The following KHDRBS2 variants were observed in gnomAD, a reference collection of about 807,000 sequenced individuals.
KHDRBS2 encodes KH RNA binding domain containing, signal transduction associated 2.
A neutral mutation model predicts 44.3 loss-of-function variants in KHDRBS2; 26 were observed. That is an observed-to-expected ratio of 0.59 (90% CI 0.43 to 0.81). The LOEUF (loss-of-function observed/expected upper bound fraction) is 0.81, where lower values mean the gene tolerates loss of function less well. Among genes scored for constraint, KHDRBS2 ranks in the 40% least tolerant of loss-of-function variants. The pLI, the probability that KHDRBS2 is intolerant of heterozygous loss-of-function variation, is 0.00. For missense variants in KHDRBS2, 476 were observed against 433.1 expected (o/e 1.10, Z -0.88); for synonymous variants, 194 against 151.1 (o/e 1.28, Z -2.08).
Position 61,886,323 on chromosome 6 carries a change from C to T in KHDRBS2, c.810+8312G>A, listed in dbSNP as rs566705586. On this transcript the variant is annotated intron_variant, in intron 6 of 8. Transcript: ENST00000281156. The stretch of plus-strand genomic sequence containing the variant: ...TGTTCTTCCAGATTCTTTAGACTTG[C>T]TTTGAAAGTTTCCTTTTCTTGTCTT... Among the ~76,000 whole-genome samples, 16 of 152,240 alleles carry T rather than the reference C, an allele frequency of 1.1e-4. 1 individual carries two copies. In the South Asian group the frequency reaches 2.5e-3, roughly 24 times the overall value.
the KHDRBS2 span, among the ~76,000 whole-genome samples, chr6:61,548,984 A>AG: frequency 1.3e-5 from 2 of 152,128 alleles, no homozygotes; most frequent in Non-Finnish European, 2.9e-5. Context: ...GTCTTAAAAA[A>AG]AAGTCCCCCA....
At chr6:62,064,287 G>C (rs1006397641) in intron 2 of KHDRBS2, among the ~76,000 whole-genome samples, 64 of 149,826 alleles carry the variant, frequency 4.3e-4, no homozygotes, top group African/African-American at 1.4e-3. Context: ...CTACTTTAAA[G>C]TTCATATGGA....
chr6:62,286,104 C>T lies in KHDRBS2; in HGVS notation c.-156G>A. 1 of 584,018 alleles carries T rather than the reference C, an allele frequency of 1.7e-6. No homozygotes were observed. Among genetic ancestry groups the T allele is most frequent in the African/African-American group, 2.0e-5 (1 of 50,702 alleles). 36.2% of individuals were successfully genotyped at this position (584,018 alleles called of 1,614,324 possible). A position where few individuals can be genotyped will look rare whatever the true frequency, so the allele number is the denominator to read the frequency against. On this transcript the variant is annotated 5_prime_UTR_variant, in exon 1 of 9. Coordinates refer to ENST00000281156, the MANE Select transcript of KHDRBS2 (RefSeq NM_152688.4). ...CACTGGCCCATGCACCCAGCACCTG[C>T]GACTCCCGCCGTCGGGCTGCGTGGC...
the KHDRBS2 span, among the ~76,000 whole-genome samples, chr6:61,664,523 A>G: frequency 1.3e-5 from 2 of 151,764 alleles, no homozygotes; most frequent in African/African-American, 4.8e-5. Flanking sequence ...TGGTATTTGC[A>G]AATCCTGATG....
intron 2 of KHDRBS2, among the ~76,000 whole-genome samples, chr6:62,170,053 G>A (rs747177954): frequency 2.6e-5 from 4 of 151,784 alleles, no homozygotes; most frequent in Non-Finnish European, 5.9e-5. Flanking sequence ...AGCAATGTGC[G>A]CCACGCCTGC....
chr6:61,641,844 T>C, the KHDRBS2 span, among the ~76,000 whole-genome samples: 1 of 152,216 alleles, frequency 6.6e-6, no homozygotes, highest in Non-Finnish European at 1.5e-5. Context: ...TTTCACAAAT[T>C]GAAACATCAT....
At chr6:62,078,510 C>A (rs1584555717) in intron 2 of KHDRBS2, among the ~76,000 whole-genome samples, 1 of 151,534 alleles carries the variant, frequency 6.6e-6, no homozygotes, top group East Asian at 2.0e-4. Context: ...ACTATTTTCC[C>A]CAAAACAAAG....
chr6:61,759,840 G>A (rs7750529), intron 6 of KHDRBS2, among the ~76,000 whole-genome samples: 62,997 of 152,034 alleles, frequency 0.41, 13,399 homozygotes, highest in Middle Eastern at 0.51. Context: ...GAGCCAGAAT[G>A]TGTGAAAAGG....
rs192673702 is a variant in KHDRBS2 at position 61,993,714 on chromosome 6, C to T, written c.337-15502G>A. 6.1e-4 allele frequency among the ~76,000 whole-genome samples: 70 copies of T among 114,802 alleles called. 1 individual carries two copies. Among genetic ancestry groups the T allele is most frequent in the African/African-American group, 1.9e-3 (67 of 34,978 alleles). 75.3% of individuals were successfully genotyped at this position (114,802 alleles called of 152,430 possible). On this transcript the variant is annotated intron_variant, in intron 3 of 8. Transcript: ENST00000281156. Reference sequence around the variant, plus strand: ...GTGAGCTTATATATTTAGCTGCTTGCTCCTGGTGCTAACATTGCTATAGCT... The same window carrying T: ...GTGAGCTTATATATTTAGCTGCTTGTTCCTGGTGCTAACATTGCTATAGCT...
At position 62,099,081 on chromosome 6, in the gene KHDRBS2, C is replaced by A. The variant is rs1016670131; in HGVS notation, c.220-51087G>T. On this transcript the variant is annotated intron_variant, in intron 2 of 8. Transcript: ENST00000281156. ...TTAAGGTTCATTGAGTTTCCTTGAA[C>A]AGCTATTTTAAATTATCCGTTTCTA... Among the ~76,000 whole-genome samples the A allele has an allele frequency of 5.3e-5, 8 of 152,218 alleles. No individual in the cohort carries two copies. The East Asian group carries it at 1.4e-3, about 26-fold the overall frequency.
chr6:61,581,443 T>C, the KHDRBS2 span, among the ~76,000 whole-genome samples: 1 of 151,174 alleles, frequency 6.6e-6, no homozygotes, highest in Non-Finnish European at 1.5e-5. Context: ...GCAAAATTAA[T>C]GTCAAATTTG....
chr6:61,613,912 T>A, the KHDRBS2 span, among the ~76,000 whole-genome samples: 1 of 152,202 alleles, frequency 6.6e-6, no homozygotes, highest in African/African-American at 2.4e-5. Context: ...TGACCGTCTC[T>A]CTGTTTCCTA....
chr6:62,256,812 C>G (rs756266242), intron 1 of KHDRBS2, among the ~76,000 whole-genome samples: 1 of 152,054 alleles, frequency 6.6e-6, no homozygotes, highest in Non-Finnish European at 1.5e-5. Context: ...AATATGGGAA[C>G]AGAAACTCTT....
intron 2 of KHDRBS2, among the ~76,000 whole-genome samples, chr6:62,069,428 A>G (rs1316777483): frequency 1.3e-5 from 2 of 151,860 alleles, no homozygotes; most frequent in East Asian, 2.0e-4. Flanking sequence ...ACAGGCCTCA[A>G]TCTACAGTAC....
intron 2 of KHDRBS2, among the ~76,000 whole-genome samples, chr6:62,096,612 T>C (rs1287522101): frequency 6.6e-6 from 1 of 151,894 alleles, no homozygotes; most frequent in Admixed American, 6.6e-5. Flanking sequence ...TCTTCTCATT[T>C]TCTTAGGCTT....
chr6:61,910,650 T>C (rs1389474769), intron 4 of KHDRBS2, among the ~76,000 whole-genome samples: 1 of 152,198 alleles, frequency 6.6e-6, no homozygotes, highest in African/African-American at 2.4e-5. Flanking sequence ...TATTTAACTT[T>C]GGCCACACAA....
At chr6:61,604,187 A>G in the KHDRBS2 span, among the ~76,000 whole-genome samples, 2 of 152,178 alleles carry the variant, frequency 1.3e-5, no homozygotes, top group African/African-American at 4.8e-5. Context: ...TTACCTCACT[A>G]TACAAGGGTC....
intron 2 of KHDRBS2, among the ~76,000 whole-genome samples, chr6:62,097,553 C>T (rs1800893438): frequency 6.6e-6 from 1 of 151,964 alleles, no homozygotes; most frequent in South Asian, 2.1e-4. Context: ...TAATCCAGCT[C>T]TTTTTCAGTT....
intron 6 of KHDRBS2, among the ~76,000 whole-genome samples, chr6:61,866,581 C>T (rs1183332808): frequency 6.6e-6 from 1 of 152,216 alleles, no homozygotes; most frequent in Non-Finnish European, 1.5e-5. Context: ...TAAATTTCTG[C>T]AGCCAGCTTA....
Sources: gnomAD v4.1 joint callset for allele counts (sites outside exome capture counted in the v4.1 genomes callset) on GRCh38, gnomAD v4.1.1 for gene constraint, MANE v1.5 for transcripts, NCBI Gene and HGNC (gene_info 2026-07-23, HGNC 2026-07-21) for gene names.